TMEM182: variants seen among roughly 807,000 people sequenced by gnomAD.
The protein encoded by TMEM182 is transmembrane protein 182.
Under a neutral mutation model 26.8 loss-of-function variants are expected in TMEM182, and 20 were observed. That is an observed-to-expected ratio of 0.75 (90% confidence interval 0.53 to 1.09). The LOEUF (loss-of-function observed/expected upper bound fraction) is 1.09, where lower values mean the gene tolerates loss of function less well. Ranked by LOEUF, TMEM182 falls within the 50% of genes least tolerant of loss-of-function variation. TMEM182 has a pLI of 0.00. For synonymous variants in TMEM182, 109 were observed against 102.2 expected (o/e 1.07, Z -0.40); for missense variants, 277 against 275.5 (o/e 1.01, Z -0.04).
At chr2:102,806,826 G>A (rs1682366498) in intron 4 of TMEM182, among the ~76,000 whole-genome samples, 1 of 152,192 alleles carries the variant, frequency 6.6e-6, no homozygotes, top group African/African-American at 2.4e-5. Context: ...AGACAGAGCA[G>A]TACGAAAGTT....
intron 3 of TMEM182, among the ~76,000 whole-genome samples, chr2:102,788,771 T>A (rs566504414): frequency 6.6e-6 from 1 of 152,230 alleles, no homozygotes; most frequent in African/African-American, 2.4e-5. Context: ...GCTTCCTCCC[T>A]GAAGCATCTC....
At chr2:102,830,160 C>T (rs1416213036) in intron 3 of TMEM182, among the ~76,000 whole-genome samples, 2 of 152,220 alleles carry the variant, frequency 1.3e-5, no homozygotes, top group Admixed American at 1.3e-4. Context: ...AGATGTCTTA[C>T]TGCTTTTGCT....
At position 102,816,804 on chromosome 2, in the gene TMEM182, A is replaced by G. The variant is rs958271754; in HGVS notation, c.*1836A>G. The G allele has an allele frequency of 2.1e-5, 21 of 985,678 alleles. No individual in the cohort carries two copies. In the African/African-American group the frequency reaches 3.3e-4, roughly 16 times the overall value. The allele number at this position is 985,678 out of a possible 1,614,324, so 61.1% of individuals were successfully genotyped here. On this transcript the variant is annotated 3_prime_UTR_variant, in exon 5 of 5. Transcript: ENST00000412401. ...TTAGTTCATGTCATCTGTAAATACA[A>G]TTCTTTTTTGTAGTACTTTGGAATG...
chr2:102,751,088 C>G (rs1011588769), intron 1 of TMEM182, among the ~76,000 whole-genome samples: 1 of 152,004 alleles, frequency 6.6e-6, no homozygotes, highest in Non-Finnish European at 1.5e-5. Flanking sequence ...TTGCCTCATG[C>G]CAAGAAAGTT....
intron 1 of TMEM182, among the ~76,000 whole-genome samples, chr2:102,749,049 T>G: frequency 6.6e-6 from 1 of 152,328 alleles, no homozygotes; most frequent in Non-Finnish European, 1.5e-5. Context: ...TTTAAAGAGA[T>G]AAATTTAGTA....
chr2:102,838,802 G>A (rs1416771424), intron 3 of TMEM182, among the ~76,000 whole-genome samples: 1 of 152,162 alleles, frequency 6.6e-6, no homozygotes, highest in East Asian at 1.9e-4. Flanking sequence ...CAGATGTTTA[G>A]GCAGAGAGAC....
chr2:102,744,408 G>A (rs1350313284), intron 1 of TMEM182, among the ~76,000 whole-genome samples: 1 of 152,104 alleles, frequency 6.6e-6, no homozygotes, highest in Admixed American at 6.5e-5. Flanking sequence ...AAAATGCTGC[G>A]TAGAGGGAAA....
Position 102,768,538 on chromosome 2 carries a change from C to CA in TMEM182, c.331+4112dup, listed in dbSNP as rs1342190031. On this transcript the variant is annotated intron_variant, in intron 3 of 4. Coordinates refer to ENST00000412401, the MANE Select transcript of TMEM182 (RefSeq NM_144632.5). Reference sequence around the variant, plus strand: ...CTATCTGTACTAAAAAAAAAAAAAACACACACAAAAAAATTAGCCAGGAGG... The same window carrying CA: ...CTATCTGTACTAAAAAAAAAAAAAACAACACACAAAAAAATTAGCCAGGAGG... 8.8e-4 allele frequency among the ~76,000 whole-genome samples: 128 copies of CA among 146,136 alleles called. 2 individuals carry two copies. In the East Asian group the frequency reaches 0.018, roughly 21 times the overall value.
At chr2:102,828,455 C>T (rs368004002) in intron 3 of TMEM182, among the ~76,000 whole-genome samples, 3 of 152,116 alleles carry the variant, frequency 2.0e-5, no homozygotes, top group South Asian at 2.1e-4. Flanking sequence ...AGAGCAAGGT[C>T]GCCAGCTCAA....
rs750893058 is a variant in TMEM182 at position 102,797,990 on chromosome 2, T to G, written c.459T>G (p.Tyr153Ter). Residue 153 changes from tyrosine to a stop codon, truncating the protein, a stop_gained, in exon 4 of 5, where the codon TAT (tyrosine) becomes TAG (stop). Coordinates refer to ENST00000412401, the MANE Select transcript of TMEM182 (RefSeq NM_144632.5). LOFTEE classifies it high-confidence loss of function. ...TCTACAAAGCTGGGGGAGGCTCATA[T>G]ATTGCTGCAGGTACGTACGGTGCAA... ...HFLYKAGGGS[Y>*]IAAGILFSLV... is the part of the protein sequence containing the mutation. 7 of 1,613,796 alleles carry G rather than the reference T, an allele frequency of 4.3e-6. No individual in the cohort carries two copies. The highest frequency in any genetic ancestry group is 1.6e-4 in the Middle Eastern group (1 of 6,082).
At chr2:102,746,036 A>G (rs1326398054) in intron 1 of TMEM182, among the ~76,000 whole-genome samples, 1 of 152,206 alleles carries the variant, frequency 6.6e-6, no homozygotes, top group Non-Finnish European at 1.5e-5. Context: ...TAGTGACTAC[A>G]CCAATTTACA....
chr2:102,795,012 T>C (rs1681809606), intron 3 of TMEM182, among the ~76,000 whole-genome samples: 1 of 152,206 alleles, frequency 6.6e-6, no homozygotes, highest in South Asian at 2.1e-4. Flanking sequence ...CTGTTTCTCA[T>C]ATTGAATAAT....
intron 3 of TMEM182, among the ~76,000 whole-genome samples, chr2:102,840,759 T>C (rs192186860): frequency 1.1e-3 from 170 of 152,278 alleles, no homozygotes; most frequent in Admixed American, 5.3e-3. Context: ...TTTTAGGCAT[T>C]CTCTGTTGGT....
At chr2:102,744,676 G>C (rs573320070) in intron 1 of TMEM182, among the ~76,000 whole-genome samples, 6 of 152,116 alleles carry the variant, frequency 3.9e-5, no homozygotes, top group Non-Finnish European at 8.8e-5. Flanking sequence ...CAGAATTCTA[G>C]ATTGACAAGT....
intron 3 of TMEM182, among the ~76,000 whole-genome samples, chr2:102,784,400 C>T (rs754483151): frequency 2.0e-5 from 3 of 151,562 alleles, no homozygotes; most frequent in African/African-American, 4.8e-5. Flanking sequence ...CACTCCCATG[C>T]GAAACCAGAC....
chr2:102,813,408 G>C (rs975634834), intron 4 of TMEM182, among the ~76,000 whole-genome samples: 1 of 152,234 alleles, frequency 6.6e-6, no homozygotes, highest in Admixed American at 6.5e-5. Flanking sequence ...TTAGCTTTCA[G>C]ACATTCTAGC....
chr2:102,800,349 G>A (rs1397849497), intron 4 of TMEM182, among the ~76,000 whole-genome samples: 3 of 152,246 alleles, frequency 2.0e-5, no homozygotes, highest in African/African-American at 7.2e-5. Flanking sequence ...GTATGGGTTT[G>A]CCTATTCTGA....
In TMEM182 at chr2:102,814,737, A is replaced by G. The variant is rs1201582648; in HGVS notation, c.470-11A>G. The G allele has an allele frequency of 6.2e-7, 1 of 1,609,474 alleles. No individual in the cohort carries two copies. Among genetic ancestry groups the G allele is most frequent in the Non-Finnish European group, 8.5e-7 (1 of 1,177,160 alleles). On this transcript the variant is annotated splice_polypyrimidine_tract_variant and intron_variant, in intron 4 of 4. Transcript: ENST00000412401. ...AGAAAGGCTAACAGTCTTCTGTTTC[A>G]TCCTTCTCAGGCATCCTATTTTCAT...
At chr2:102,805,608 C>CAAAA in intron 4 of TMEM182, among the ~76,000 whole-genome samples, 1 of 142,526 alleles carries the variant, frequency 7.0e-6, no homozygotes. Context: ...ATCGTTCCCT[C>CAAAA]AAAAAAAAAA....
Sources: allele counts gnomAD v4.1 joint callset (sites outside exome capture counted in the v4.1 genomes callset), GRCh38; gene constraint gnomAD v4.1.1; transcripts MANE v1.5; gene names NCBI Gene and HGNC (gene_info 2026-07-23, HGNC 2026-07-21).